The following ELMO2 variants were observed in gnomAD, a reference collection of about 807,000 sequenced individuals.
ELMO2 encodes the protein engulfment and cell motility 2, also known as engulfment and cell motility protein 2.
ELMO2 carries 37 observed loss-of-function variants against 96.2 expected under a neutral mutation model. That is an observed-to-expected ratio of 0.38 (90% CI 0.30 to 0.51). ELMO2 has a LOEUF of 0.51. ELMO2 is among the 20% of genes least tolerant of loss of function. The pLI is 0.88. For synonymous variants in ELMO2, 315 were observed against 329.4 expected (o/e 0.96, Z 0.47); for missense variants, 561 against 912.6 (o/e 0.61, Z 4.96).
rs761534514 is a variant in ELMO2, at chr20:46,370,475, T to G, written c.1852A>C (p.Met618Leu). The G allele has an allele frequency of 2.5e-6, 4 of 1,614,218 alleles. No individual in the cohort carries two copies. The highest frequency in any genetic ancestry group is 1.7e-5 in the Admixed American group (1 of 60,032). Residue 618 changes from methionine (M) to leucine (L), a missense_variant, in exon 20 of 22, where the codon ATG (methionine) becomes CTG (leucine). By Grantham distance (15) the Met-to-Leu change is conservative (BLOSUM62 2). Transcript: ENST00000290246. The stretch of plus-strand genomic sequence containing the variant: ...TGTTTCAGAGCACTTTTCTCTTTCA[T>G]GTGGGGACAATCTTTCCCAGTGACA... The part of the protein sequence containing the change: ...AIVTGKDCPH[M>L]KEKSALKQNK...
chr20:46,370,361 G>A lies in ELMO2; in HGVS notation c.1884+82C>T, dbSNP rs978699765. ...AGGAATAGAGAGGGGAAGATGCCAA[G>A]AATGCACCTGGAAAAAACCACCACC... On this transcript the variant is annotated intron_variant, in intron 20 of 21. Coordinates refer to ENST00000290246, the MANE Select transcript of ELMO2 (RefSeq NM_133171.5). 3.2e-6 allele frequency: 4 copies of A among 1,237,030 alleles called. No homozygotes were observed. In the South Asian group the frequency reaches 4.8e-5, roughly 15 times the overall value. The allele number at this position is 1,237,030 out of a possible 1,614,324, so 76.6% of individuals were successfully genotyped here.
At chr20:46,372,984 G>T in intron 16 of ELMO2, 1 of 160,612 alleles carries the variant, frequency 6.2e-6, no homozygotes, top group East Asian at 1.8e-4. Flanking sequence ...TGAAAGCACC[G>T]AGGGATAACT....
At chr20:46,372,799 A>G (rs1006585285) in intron 16 of ELMO2, 2 of 152,272 alleles carry the variant, frequency 1.3e-5, no homozygotes, top group Admixed American at 1.3e-4. Context: ...AGGGGATAAA[A>G]AAGACTAGAG....
intron 6 of ELMO2, 144 bp downstream of exon 6, chr20:46,392,949 T>C: frequency 1.4e-6 from 1 of 711,782 alleles, no homozygotes; most frequent in Non-Finnish European, 2.3e-6. Flanking sequence ...AAGACAGACT[T>C]ATTTTCCTGT....
chr20:46,396,283 T>C (rs530437491), intron 2 of ELMO2, among the ~76,000 whole-genome samples: 1 of 152,224 alleles, frequency 6.6e-6, no homozygotes, highest in African/African-American at 2.4e-5. Context: ...TGCTTAGAGA[T>C]GCATCCTTAT....
intron 2 of ELMO2, among the ~76,000 whole-genome samples, chr20:46,397,175 T>C (rs2060258187): frequency 6.6e-6 from 1 of 152,198 alleles, no homozygotes; most frequent in African/African-American, 2.4e-5. Context: ...CGTATACATT[T>C]TAAAGCATGG....
chr20:46,370,028 C>T (rs2059669636), intron 20 of ELMO2: 1 of 338,388 alleles, frequency 3.0e-6, no homozygotes, highest in Non-Finnish European at 5.6e-6. Flanking sequence ...ATTTATATAT[C>T]TGTAGAGAAA....
intron 11 of ELMO2, among the ~76,000 whole-genome samples, chr20:46,376,446 T>C (rs566019646): frequency 6.6e-6 from 1 of 152,022 alleles, no homozygotes; most frequent in African/African-American, 2.4e-5. Flanking sequence ...CTCCCCACTG[T>C]CTCTGTGCCC....
chr20:46,382,443 T>C (rs1284813348), intron 10 of ELMO2, among the ~76,000 whole-genome samples: 2 of 152,246 alleles, frequency 1.3e-5, no homozygotes, highest in Non-Finnish European at 2.9e-5. Flanking sequence ...GAATTTCATC[T>C]TACTGAGCCC....
rs1240078857 is a variant in ELMO2, at chr20:46,393,142, G to A, written c.194C>T (p.Thr65Ile). The change falls in exon 6 of 22, where the codon ACT becomes ATT. Residue 65 changes from threonine (T) to isoleucine (I), a missense_variant and splice_region_variant. Thr to Ile is a moderately conservative substitution (Grantham distance 89). Coordinates refer to ENST00000290246, the MANE Select transcript of ELMO2 (RefSeq NM_133171.5). ...DGPQLYITEQ[T>I]RSDIKNGTIL... Reference sequence around the variant, plus strand: ...TGTCCCATTCTTAATGTCACTGCGAGTCTGGGTAGTGAAAAATAAACAAAA... The same window carrying A: ...TGTCCCATTCTTAATGTCACTGCGAATCTGGGTAGTGAAAAATAAACAAAA... 6.2e-7 allele frequency: 1 copy of A among 1,613,786 alleles called. No homozygotes were observed. The highest frequency in any genetic ancestry group is 1.3e-5 in the African/African-American group (1 of 74,920).
At chr20:46,393,057 A>G (rs2060179250) in intron 6 of ELMO2, 36 bp downstream of exon 6, 2 of 1,596,448 alleles carry the variant, frequency 1.3e-6, no homozygotes, top group Non-Finnish European at 1.7e-6. Context: ...TTTGTTTGTG[A>G]CATGAATAAA....
intron 11 of ELMO2, among the ~76,000 whole-genome samples, chr20:46,379,588 C>T (rs1600843081): frequency 6.6e-6 from 1 of 152,150 alleles, no homozygotes; most frequent in South Asian, 2.1e-4. Flanking sequence ...CTCGCTACCT[C>T]TCTAGCCTCC....
At chr20:46,379,740 GA>G (rs1047799230) in intron 11 of ELMO2, among the ~76,000 whole-genome samples, 20 of 152,204 alleles carry the variant, frequency 1.3e-4, no homozygotes, top group Non-Finnish European at 2.4e-4. Context: ...AAAGTTTCCG[GA>G]AACACTCTTC....
chr20:46,370,580 C>A, intron 19 of ELMO2, 55 bp from the exon 20 acceptor site: 1 of 1,535,286 alleles, frequency 6.5e-7, no homozygotes, highest in East Asian at 2.2e-5. Flanking sequence ...CTGGTCAGTG[C>A]CTACATCAGT....
Position 46,367,462 on chromosome 20 carries a change from C to T in ELMO2, c.2061G>A (p.Met687Ile). 1.2e-6 allele frequency: 2 copies of T among 1,613,726 alleles called. No individual in the cohort carries two copies. Among genetic ancestry groups the T allele is most frequent in the African/African-American group, 1.3e-5 (1 of 74,978 alleles). ...TCTCCAGGTCCAGGAGCCGCAGCTT[C>T]ATCTCCATGCTCAGCAGGGTGTCCA... is the stretch of plus-strand genomic sequence containing the variant. ...SDLDTLLSME[M>I]KLRLLDLENI... Residue 687 changes from methionine to isoleucine, a missense_variant, in exon 22 of 22, where the codon ATG becomes ATA. Transcript: ENST00000290246.
intron 2 of ELMO2, among the ~76,000 whole-genome samples, chr20:46,395,088 G>A (rs1380989629): frequency 6.6e-6 from 1 of 152,174 alleles, no homozygotes; most frequent in Non-Finnish European, 1.5e-5. Context: ...ATCAGAAAAT[G>A]GGGAAGATAA....
Position 46,366,410 on chromosome 20 carries a change from G to C in ELMO2, c.*950C>G, listed in dbSNP as rs1261472260. On this transcript the variant is annotated 3_prime_UTR_variant, in exon 22 of 22. Transcript: ENST00000290246. ...GGGAAGCCCCACTGGCACAGGTGTG[G>C]CCTCAGCCGGCCTCAGCCAGCTCCC... 6.6e-6 allele frequency: 1 copy of C among 152,572 alleles called. No individual in the cohort carries two copies. Among genetic ancestry groups the C allele is most frequent in the East Asian group, 1.9e-4 (1 of 5,142 alleles). 9.5% of individuals were successfully genotyped at this position (152,572 alleles called of 1,614,324 possible).
intron 11 of ELMO2, among the ~76,000 whole-genome samples, chr20:46,379,394 G>A (rs573460415): frequency 6.6e-6 from 1 of 152,236 alleles, no homozygotes; most frequent in South Asian, 2.1e-4. Context: ...GGTGGTAACA[G>A]GGATTTATAC....
chr20:46,399,430 T>C (rs2060300018), intron 1 of ELMO2, among the ~76,000 whole-genome samples: 1 of 152,202 alleles, frequency 6.6e-6, no homozygotes, highest in South Asian at 2.1e-4. Flanking sequence ...TCCTACTGAC[T>C]GTCAGAAGAG....
Sources: gnomAD v4.1 joint callset for allele counts (sites outside exome capture counted in the v4.1 genomes callset) on GRCh38, gnomAD v4.1.1 for gene constraint, MANE v1.5 for transcripts, NCBI Gene and HGNC (gene_info 2026-07-23, HGNC 2026-07-21) for gene names.